The following CAT variants were observed in gnomAD, a reference collection of about 807,000 sequenced individuals.
CAT encodes the protein catalase.
Under a neutral mutation model 59.0 loss-of-function variants are expected in CAT, and 43 were observed. That is an observed-to-expected ratio of 0.73 (90% CI 0.57 to 0.94). The LOEUF (loss-of-function observed/expected upper bound fraction) is 0.94, where lower values mean the gene tolerates loss of function less well. Ranked by LOEUF, CAT falls within the 40% of genes least tolerant of loss-of-function variation. CAT has a pLI of 0.00. For synonymous variants in CAT, 218 were observed against 230.9 expected (o/e 0.94, Z 0.51); for missense variants, 664 against 682.9 (o/e 0.97, Z 0.31).
intron 9 of CAT, 83 bp downstream of exon 9, chr11:34,461,472 C>T: frequency 6.6e-7 from 1 of 1,517,882 alleles, no homozygotes; most frequent in Non-Finnish European, 9.1e-7. Context: ...CAGTGGCTCT[C>T]AAGCTGGCCC....
intron 2 of CAT, among the ~76,000 whole-genome samples, chr11:34,449,968 G>A (rs750648382): frequency 6.6e-6 from 1 of 152,142 alleles, no homozygotes; most frequent in South Asian, 2.1e-4. Context: ...TTGCAGGGTG[G>A]ACTCACACTG....
At chr11:34,462,319 G>T (rs1651641162) in intron 9 of CAT, among the ~76,000 whole-genome samples, 1 of 151,860 alleles carries the variant, frequency 6.6e-6, no homozygotes, top group Non-Finnish European at 1.5e-5. Context: ...TAATACAAGT[G>T]TCCTAAAGAA....
At chr11:34,464,386 C>T (rs1856689499) in intron 10 of CAT, 151 bp downstream of exon 10, 3 of 850,074 alleles carry the variant, frequency 3.5e-6, no homozygotes, top group Non-Finnish European at 5.8e-6. Flanking sequence ...AATTGGGCCC[C>T]TTACTGGGTG....
At chr11:34,459,902 G>T (rs576396816) in intron 8 of CAT, among the ~76,000 whole-genome samples, 3 of 152,192 alleles carry the variant, frequency 2.0e-5, no homozygotes, top group Non-Finnish European at 4.4e-5. Context: ...GGTCATGGCC[G>T]CATGGCTAGT....
At position 34,456,692 on chromosome 11, in the gene CAT, A is replaced by C; in HGVS notation, c.931A>C (p.Ile311Leu). The C allele has an allele frequency of 6.2e-7, 1 of 1,614,154 alleles. No homozygotes were observed. Among genetic ancestry groups the C allele is most frequent in the Middle Eastern group, 1.6e-4 (1 of 6,062 alleles). ...KVWPHKDYPL[I>L]PVGKLVLNRN... ...TTGGCCTCACAAGGACTACCCTCTC[A>C]TCCCAGTTGGTAAACTGGTCTTAAA... is the stretch of plus-strand genomic sequence containing the variant. Residue 311 changes from isoleucine (I) to leucine (L), a missense_variant, in exon 8 of 13, where the codon ATC becomes CTC. Transcript: ENST00000241052.
intron 1 of CAT, among the ~76,000 whole-genome samples, chr11:34,447,599 G>C (rs922394061): frequency 2.0e-5 from 3 of 152,132 alleles, no homozygotes; most frequent in African/African-American, 4.8e-5. Flanking sequence ...TTGCTAGATG[G>C]GTTTAGGGAC....
intron 10 of CAT, among the ~76,000 whole-genome samples, chr11:34,466,320 A>G (rs564225164): frequency 6.6e-6 from 1 of 152,230 alleles, no homozygotes; most frequent in African/African-American, 2.4e-5. Context: ...AATGTTCAGC[A>G]TTCAACAATA....
intron 1 of CAT, among the ~76,000 whole-genome samples, chr11:34,445,066 A>T (rs1036493087): frequency 6.6e-6 from 1 of 152,106 alleles, no homozygotes; most frequent in Non-Finnish European, 1.5e-5. Context: ...TGGCCATATC[A>T]TATTGGTCCG....
intron 8 of CAT, among the ~76,000 whole-genome samples, chr11:34,460,248 GAA>G (rs1275895024): frequency 1.3e-5 from 2 of 152,122 alleles, no homozygotes; most frequent in Non-Finnish European, 2.9e-5. Context: ...AGCATTAACT[GAA>G]AGAAATTTCA....
rs972097634 is a variant in CAT, at chr11:34,461,930, C to G, written c.1195+541C>G. On this transcript the variant is annotated intron_variant, in intron 9 of 12. Coordinates refer to ENST00000241052, the MANE Select transcript of CAT (RefSeq NM_001752.4). ...AGAGAGTAGGGGAGGCAGAGCAAGTCAAAGGATTCCCCTCCCTTCATTTTT... is the reference window on the plus strand; with the variant it reads ...AGAGAGTAGGGGAGGCAGAGCAAGTGAAAGGATTCCCCTCCCTTCATTTTT... Among the ~76,000 whole-genome samples, 6 of 152,192 alleles carry G rather than the reference C, an allele frequency of 3.9e-5. 1 individual carries two copies.
At chr11:34,439,628 A>G (rs1026766783) in intron 1 of CAT, among the ~76,000 whole-genome samples, 32 of 152,212 alleles carry the variant, frequency 2.1e-4, no homozygotes, top group Admixed American at 2.0e-3. Flanking sequence ...TCTCATTTGC[A>G]CTTCAAAATG....
rs1312846662 is a variant in CAT at position 34,471,481 on chromosome 11, A to G, written c.*48A>G. The G allele has an allele frequency of 6.0e-6, 9 of 1,488,902 alleles. No homozygotes were observed. In the East Asian group the frequency reaches 6.8e-5, roughly 11 times the overall value. 92.2% of individuals were successfully genotyped at this position (1,488,902 alleles called of 1,614,324 possible). On this transcript the variant is annotated 3_prime_UTR_variant, in exon 13 of 13. Coordinates refer to ENST00000241052, the MANE Select transcript of CAT (RefSeq NM_001752.4). ...AGCGAAGCTTAGCGTTCATCCGTGT[A>G]ACCCGCTCATCACTGGATGAAGATT...
intron 3 of CAT, 151 bp downstream of exon 3, chr11:34,451,249 A>T (rs1856521052): frequency 1.4e-6 from 1 of 702,772 alleles, no homozygotes; most frequent in Non-Finnish European, 2.6e-6. Context: ...ATATTTGGAG[A>T]CACATAGGAA....
At chr11:34,470,660 C>A (rs548563554) in intron 11 of CAT, 10 of 402,480 alleles carry the variant, frequency 2.5e-5, no homozygotes, top group South Asian at 2.1e-4. Context: ...GGACAAAGAC[C>A]AAATAGTATT....
At chr11:34,466,417 A>G (rs1856717830) in intron 10 of CAT, among the ~76,000 whole-genome samples, 1 of 152,188 alleles carries the variant, frequency 6.6e-6, no homozygotes, top group African/African-American at 2.4e-5. Context: ...GTAGAAACAA[A>G]CCTAATGGAG....
intron 8 of CAT, among the ~76,000 whole-genome samples, chr11:34,457,352 G>A (rs796336648): frequency 1.6e-4 from 24 of 151,474 alleles, no homozygotes; most frequent in African/African-American, 5.3e-4. Context: ...AGCTACAGGC[G>A]CCCGCCACCA....
intron 2 of CAT, 30 bp from the exon 3 acceptor site, chr11:34,450,958 T>C (rs1380555840): frequency 7.0e-7 from 1 of 1,419,804 alleles, no homozygotes; most frequent in Non-Finnish European, 1.0e-6. Context: ...AATGGTCTCA[T>C]GGTAAGGATT....
intron 10 of CAT, 143 bp downstream of exon 10, chr11:34,464,378 T>C: frequency 3.3e-6 from 3 of 898,638 alleles, no homozygotes; most frequent in Non-Finnish European, 5.4e-6. Context: ...TAATAGTAAA[T>C]TGGGCCCCTT....
intron 1 of CAT, among the ~76,000 whole-genome samples, 169 bp from the exon 2 acceptor site, chr11:34,449,023 T>C (rs1379942920): frequency 6.6e-6 from 1 of 152,212 alleles, no homozygotes; most frequent in Non-Finnish European, 1.5e-5. Context: ...GGGGCATCAC[T>C]AAAAGTTTCA....
Sources: gnomAD v4.1 joint callset for allele counts (sites outside exome capture counted in the v4.1 genomes callset) on GRCh38, gnomAD v4.1.1 for gene constraint, MANE v1.5 for transcripts, NCBI Gene and HGNC (gene_info 2026-07-23, HGNC 2026-07-21) for gene names.